The following FCHO2 variants were observed in gnomAD, a reference collection of about 807,000 sequenced individuals.
The protein encoded by FCHO2 is FCH and mu domain containing endocytic adaptor 2, also known as F-BAR domain only protein 2.
Under a neutral mutation model 114.1 loss-of-function variants are expected in FCHO2, and 43 were observed. The observed-to-expected ratio is 0.38, with a 90% CI of 0.30 to 0.49. FCHO2 has a LOEUF of 0.49. Among genes scored for constraint, FCHO2 ranks in the 20% least tolerant of loss-of-function variants. FCHO2 has a pLI of 0.97. For missense variants in FCHO2, 807 were observed against 950.4 expected, an observed-to-expected ratio of 0.85 and a Z score of 1.98; for synonymous variants, 293 against 315.2, an observed-to-expected ratio of 0.93 and a Z score of 0.75.
intron 19 of FCHO2, 55 bp from the exon 20 acceptor site, chr5:73,074,687 A>G (rs1742827458): frequency 6.9e-7 from 1 of 1,459,810 alleles, no homozygotes; most frequent in Non-Finnish European, 9.4e-7. Context: ...AACTATCTTG[A>G]TATTTAATTT....
chr5:73,033,947 A>G (rs1011974797), intron 8 of FCHO2, among the ~76,000 whole-genome samples: 6 of 152,190 alleles, frequency 3.9e-5, no homozygotes, highest in Non-Finnish European at 7.4e-5. Flanking sequence ...TCTATCTCTC[A>G]TAGCAATGCT....
intron 10 of FCHO2, among the ~76,000 whole-genome samples, chr5:73,041,088 G>T (rs567517109): frequency 6.6e-6 from 1 of 152,072 alleles, no homozygotes; most frequent in South Asian, 2.1e-4. Flanking sequence ...TTTTTATTTT[G>T]TCAGGTGGTA....
chr5:73,006,959 A>G (rs779851755), intron 6 of FCHO2, among the ~76,000 whole-genome samples: 1 of 152,198 alleles, frequency 6.6e-6, no homozygotes, highest in Non-Finnish European at 1.5e-5. Flanking sequence ...TCTGCCATCC[A>G]TTAGCTTGGG....
At chr5:73,038,386 G>T (rs1317556846) in intron 10 of FCHO2, among the ~76,000 whole-genome samples, 1 of 152,126 alleles carries the variant, frequency 6.6e-6, no homozygotes, top group Non-Finnish European at 1.5e-5. Context: ...AGAATTAAAA[G>T]AATCTTTCTT....
chr5:73,022,327 T>C (rs1755671202), intron 8 of FCHO2, among the ~76,000 whole-genome samples: 1 of 152,172 alleles, frequency 6.6e-6, no homozygotes, highest in Non-Finnish European at 1.5e-5. Flanking sequence ...TAGAGAGTAA[T>C]TGGAACATTA....
At chr5:72,997,310 A>G (rs1332019584) in intron 5 of FCHO2, 3 of 1,556,836 alleles carry the variant, frequency 1.9e-6, no homozygotes, top group Non-Finnish European at 1.8e-6. Flanking sequence ...TATAGCAAGC[A>G]TGGAGATCTA....
At chr5:72,985,426 T>C (rs1753464525) in intron 2 of FCHO2, among the ~76,000 whole-genome samples, 1 of 152,090 alleles carries the variant, frequency 6.6e-6, no homozygotes, top group Non-Finnish European at 1.5e-5. Context: ...CCTCCCAAAG[T>C]GCTGGGATTA....
chr5:72,969,304 C>G (rs1334157968), intron 2 of FCHO2, among the ~76,000 whole-genome samples: 2 of 152,172 alleles, frequency 1.3e-5, no homozygotes, highest in African/African-American at 4.8e-5. Flanking sequence ...TGTGTACCAG[C>G]TACTTGTCTG....
chr5:73,027,254 A>G (rs1222605781), intron 8 of FCHO2, among the ~76,000 whole-genome samples: 2 of 151,428 alleles, frequency 1.3e-5, no homozygotes, highest in African/African-American at 4.8e-5. Flanking sequence ...AATGTTTTCT[A>G]TTTTACAGTC....
At chr5:73,079,450 C>T (rs1743023287) in intron 22 of FCHO2, among the ~76,000 whole-genome samples, 1 of 152,052 alleles carries the variant, frequency 6.6e-6, no homozygotes, top group South Asian at 2.1e-4. Flanking sequence ...AGTAGCATTT[C>T]AAGGCAATGT....
chr5:72,995,897 A>C (rs959875701), intron 5 of FCHO2, among the ~76,000 whole-genome samples: 3 of 152,088 alleles, frequency 2.0e-5, no homozygotes, highest in African/African-American at 7.2e-5. Context: ...TTTCACAAGC[A>C]TTCAAACCAT....
intron 5 of FCHO2, among the ~76,000 whole-genome samples, chr5:72,999,921 A>G (rs1341546713): frequency 1.3e-5 from 2 of 152,236 alleles, no homozygotes; most frequent in Non-Finnish European, 2.9e-5. Flanking sequence ...GAAGAAATGT[A>G]GCTATTACTT....
chr5:72,977,267 C>G (rs1001390487), intron 2 of FCHO2, among the ~76,000 whole-genome samples: 3 of 152,146 alleles, frequency 2.0e-5, no homozygotes, highest in Non-Finnish European at 2.9e-5. Flanking sequence ...TCCTGTTTCT[C>G]CACATTCTCT....
chr5:72,982,218 G>C (rs865904569), intron 2 of FCHO2, among the ~76,000 whole-genome samples: 3 of 152,080 alleles, frequency 2.0e-5, no homozygotes, highest in Non-Finnish European at 4.4e-5. Context: ...TCCTGCTTCT[G>C]CTCGCTCTCT....
At chr5:72,994,912 T>C (rs971836219) in intron 5 of FCHO2, among the ~76,000 whole-genome samples, 4 of 151,664 alleles carry the variant, frequency 2.6e-5, no homozygotes, top group African/African-American at 9.7e-5. Context: ...AACTAAACAA[T>C]GAGAACACAT....
At chr5:73,066,779 C>G (rs761828234) in intron 18 of FCHO2, among the ~76,000 whole-genome samples, 16 of 151,838 alleles carry the variant, frequency 1.1e-4, no homozygotes, top group Non-Finnish European at 1.9e-4. Context: ...GAAATAGTTT[C>G]TCTGGCTTCA....
intron 5 of FCHO2, among the ~76,000 whole-genome samples, chr5:73,001,481 A>T (rs377230632): frequency 1.4e-4 from 21 of 151,126 alleles, no homozygotes; most frequent in African/African-American, 5.1e-4. Flanking sequence ...AGAAATGAAA[A>T]GAAATTTCTT....
intron 11 of FCHO2, among the ~76,000 whole-genome samples, chr5:73,049,294 A>G (rs1414825838): frequency 4.0e-5 from 6 of 151,806 alleles, no homozygotes; most frequent in Admixed American, 3.9e-4. Context: ...ACCACACCAC[A>G]CCCCAAGATA....
intron 1 of FCHO2, among the ~76,000 whole-genome samples, chr5:72,957,814 C>T (rs1751639141): frequency 6.6e-6 from 1 of 152,156 alleles, no homozygotes; most frequent in Non-Finnish European, 1.5e-5. Flanking sequence ...TCTGAGGGTT[C>T]CTCTCCACAT....
Sources: allele counts gnomAD v4.1 joint callset (sites outside exome capture counted in the v4.1 genomes callset), GRCh38; gene constraint gnomAD v4.1.1; transcripts MANE v1.5; gene names NCBI Gene and HGNC (gene_info 2026-07-23, HGNC 2026-07-21).